Variants in GXYLT1 observed in about 807,000 individuals in gnomAD.
GXYLT1 encodes glucoside xylosyltransferase 1.
A neutral mutation model predicts 54.0 loss-of-function variants in GXYLT1; 29 were observed. The observed-to-expected ratio is 0.54, with a 90% CI of 0.40 to 0.73. The LOEUF is 0.73. Among genes scored for constraint, GXYLT1 ranks in the 30% least tolerant of loss-of-function variants. The pLI, the probability that GXYLT1 is intolerant of heterozygous loss-of-function variation, is 0.00. For synonymous variants in GXYLT1, 176 were observed against 204.1 expected (o/e 0.86, Z 1.17); for missense variants, 490 against 553.4 (o/e 0.89, Z 1.15).
chr12:42,107,973 C>T (rs1220270030), intron 4 of GXYLT1, among the ~76,000 whole-genome samples: 2 of 152,108 alleles, frequency 1.3e-5, no homozygotes, highest in Non-Finnish European at 2.9e-5. Flanking sequence ...GCACAGTTTA[C>T]ATTAGTTCTT....
chr12:42,104,984 T>A (rs988639202), intron 5 of GXYLT1, among the ~76,000 whole-genome samples: 1 of 152,214 alleles, frequency 6.6e-6, no homozygotes, highest in African/African-American at 2.4e-5. Flanking sequence ...TTTCAACAGA[T>A]CTCTTTTAAA....
At chr12:42,133,818 T>C (rs769121760) in intron 1 of GXYLT1, among the ~76,000 whole-genome samples, 6 of 152,180 alleles carry the variant, frequency 3.9e-5, no homozygotes, top group Non-Finnish European at 8.8e-5. Context: ...TTTCAGATAC[T>C]GCAAGGTGAG....
chr12:42,137,933 T>C (rs1166190239), intron 1 of GXYLT1, among the ~76,000 whole-genome samples: 1 of 152,088 alleles, frequency 6.6e-6, no homozygotes, highest in Admixed American at 6.6e-5. Flanking sequence ...AGGAGGCCAT[T>C]CCCATGATAC....
In GXYLT1 at chr12:42,097,390, C is replaced by T. The variant is rs186161087; in HGVS notation, c.1161+52G>A. On this transcript the variant is annotated intron_variant, in intron 7 of 7. Transcript: ENST00000398675. Reference sequence around the variant, plus strand: ...ACTATTTTTGTAAACTAACCATTAGCTTGAAAGTATTTTCAAACAAAAAGT... The same window carrying T: ...ACTATTTTTGTAAACTAACCATTAGTTTGAAAGTATTTTCAAACAAAAAGT... 3.0e-5 allele frequency: 41 copies of T among 1,387,794 alleles called. 1 individual carries two copies. In the Admixed American group the frequency reaches 4.8e-4, roughly 16 times the overall value. 86.0% of individuals were successfully genotyped at this position (1,387,794 alleles called of 1,614,324 possible). A position where few individuals can be genotyped will look rare whatever the true frequency, so the allele number is the denominator to read the frequency against.
At chr12:42,095,644 C>T (rs1338692022) in intron 7 of GXYLT1, among the ~76,000 whole-genome samples, 1 of 152,056 alleles carries the variant, frequency 6.6e-6, no homozygotes, top group Non-Finnish European at 1.5e-5. Flanking sequence ...TTAGGATAAA[C>T]GGGCTAAGAT....
chr12:42,102,937 A>G (rs2065398421), intron 5 of GXYLT1, among the ~76,000 whole-genome samples: 1 of 151,768 alleles, frequency 6.6e-6, no homozygotes, highest in East Asian at 1.9e-4. Context: ...AATTATTTGA[A>G]TTTAAATTTT....
intron 7 of GXYLT1, among the ~76,000 whole-genome samples, chr12:42,096,585 A>G (rs946047169): frequency 5.9e-5 from 9 of 152,194 alleles, no homozygotes; most frequent in Non-Finnish European, 1.5e-5. Context: ...GACGCATGCC[A>G]AGTGTCAAAT....
At chr12:42,129,223 C>T (rs145310051) in intron 2 of GXYLT1, among the ~76,000 whole-genome samples, 3 of 152,174 alleles carry the variant, frequency 2.0e-5, no homozygotes, top group South Asian at 2.1e-4. Context: ...TGAATAAAGC[C>T]GAACTAGTCA....
chr12:42,101,187 GT>G (rs1395462321), intron 5 of GXYLT1, among the ~76,000 whole-genome samples: 1 of 152,020 alleles, frequency 6.6e-6, no homozygotes, highest in African/African-American at 2.4e-5. Flanking sequence ...TAATAAAGAG[GT>G]ATTACATATA....
At chr12:42,131,746 C>CT (rs2065595118) in intron 1 of GXYLT1, among the ~76,000 whole-genome samples, 2 of 152,128 alleles carry the variant, frequency 1.3e-5, no homozygotes, top group African/African-American at 4.8e-5. Flanking sequence ...TTTCTTAAGT[C>CT]TTTGATTTCA....
chr12:42,112,525 T>A (rs2065464732), intron 3 of GXYLT1, among the ~76,000 whole-genome samples: 1 of 151,896 alleles, frequency 6.6e-6, no homozygotes, highest in African/African-American at 2.4e-5. Flanking sequence ...TGCGACCAAC[T>A]GGAAGAAAGG....
At chr12:42,123,752 T>C (rs2065544815) in intron 2 of GXYLT1, among the ~76,000 whole-genome samples, 1 of 152,030 alleles carries the variant, frequency 6.6e-6, no homozygotes, top group Non-Finnish European at 1.5e-5. Flanking sequence ...GTATATAAAG[T>C]CAAATTAAAC....
intron 1 of GXYLT1, among the ~76,000 whole-genome samples, chr12:42,137,534 C>T (rs1347766106): frequency 1.5e-5 from 2 of 133,820 alleles, no homozygotes; most frequent in Non-Finnish European, 3.1e-5. Flanking sequence ...AAGCGGATCA[C>T]AAGGTCAGGA....
rs1460620706 is a variant in GXYLT1, at chr12:42,097,505, G to A, written c.1098C>T (p.Asn366=). The change falls in exon 7 of 8, where the codon AAC becomes AAT. Residue 366 remains asparagine, a synonymous_variant. Coordinates refer to ENST00000398675, the MANE Select transcript of GXYLT1 (RefSeq NM_173601.2). The part of the protein sequence containing the change: ...EEGGIFILHG[N]RGVYHDDKQP... ...GCTTATCGTCATGGTAAACACCTCT[G>A]TTCCCATGAAGAATAAAGATTCCTC... The A allele has an allele frequency of 8.7e-6, 14 of 1,610,596 alleles. No homozygotes were observed. The South Asian group carries it at 1.4e-4, about 16-fold the overall frequency.
At chr12:42,100,612 T>A (rs908710998) in intron 5 of GXYLT1, among the ~76,000 whole-genome samples, 1 of 151,980 alleles carries the variant, frequency 6.6e-6, no homozygotes, top group Non-Finnish European at 1.5e-5. Flanking sequence ...ATTATCCTTG[T>A]GTGAAATTTC....
rs199516137 is a variant in GXYLT1 at position 42,097,499 on chromosome 12, A to C, written c.1104T>G (p.Gly368=). The C allele has an allele frequency of 3.0e-5, 48 of 1,605,914 alleles. No homozygotes were observed. In the African/African-American group the frequency reaches 5.5e-4, roughly 18 times the overall value. ...GGIFILHGNR[G]VYHDDKQPAF... ...CTGGTTGCTTATCGTCATGGTAAAC[A>C]CCTCTGTTCCCATGAAGAATAAAGA... The change falls in exon 7 of 8, where the codon GGT becomes GGG. Residue 368 remains glycine (G), a synonymous_variant. Transcript: ENST00000398675.
At position 42,087,663 on chromosome 12, in the gene GXYLT1, A is replaced by G. The variant is rs2065303481; in HGVS notation, c.*123T>C. The G allele has an allele frequency of 1.4e-6, 1 of 691,840 alleles. No homozygotes were observed. Among genetic ancestry groups the G allele is most frequent in the Non-Finnish European group, 2.3e-6 (1 of 432,942 alleles). 42.9% of individuals were successfully genotyped at this position (691,840 alleles called of 1,614,324 possible). A position where few individuals can be genotyped will look rare whatever the true frequency, so the allele number is the denominator to read the frequency against. On this transcript the variant is annotated 3_prime_UTR_variant, in exon 8 of 8. Transcript: ENST00000398675. The stretch of plus-strand genomic sequence containing the variant: ...AAAATACTGCTTACTTAACTTCTTT[A>G]GGAAAAAAAAAATTATTCTGGAGAT...
At chr12:42,137,762 G>GGAAAAAAAA (rs373214719) in intron 1 of GXYLT1, among the ~76,000 whole-genome samples, 9 of 107,178 alleles carry the variant, frequency 8.4e-5, no homozygotes, top group Non-Finnish European at 7.0e-5. Context: ...ATCTCAAATT[G>GGAAAAAAAA]AAAAAAAAAA....
intron 1 of GXYLT1, among the ~76,000 whole-genome samples, chr12:42,133,771 T>C (rs1488922120): frequency 6.6e-6 from 1 of 152,186 alleles, no homozygotes. Context: ...AAAATGGACA[T>C]GGATCATACT....
Sources: allele counts gnomAD v4.1 joint callset (sites outside exome capture counted in the v4.1 genomes callset), GRCh38; gene constraint gnomAD v4.1.1; transcripts MANE v1.5; gene names NCBI Gene and HGNC (gene_info 2026-07-23, HGNC 2026-07-21).